The following ABCC8 variants were observed in gnomAD, a reference collection of about 807,000 sequenced individuals.
The protein encoded by ABCC8 is ATP binding cassette subfamily C member 8.
A neutral mutation model predicts 188.0 loss-of-function variants in ABCC8; 137 were observed. The ratio of observed to expected loss-of-function variants is 0.73; its 90% CI spans 0.63 to 0.84. ABCC8 has a LOEUF of 0.84. Among genes scored for constraint, ABCC8 ranks in the 40% least tolerant of loss-of-function variants. ABCC8 has a pLI of 0.00. For synonymous variants in ABCC8, 797 were observed against 846.5 expected, an observed-to-expected ratio of 0.94 and a Z score of 1.01; for missense variants, 1,750 against 2,072.7, an observed-to-expected ratio of 0.84 and a Z score of 3.02.
At position 17,415,328 on chromosome 11, in the gene ABCC8, T is replaced by G. The variant is rs766784319; in HGVS notation, c.2267A>C (p.Glu756Ala). Reference sequence around the variant, plus strand: ...CCTGATATCCAAGTCGGTCGCTGTCTCCCGCTCTGGGCTGCAGCAGGGGAG... The same window carrying G: ...CCTGATATCCAAGTCGGTCGCTGTCGCCCGCTCTGGGCTGCAGCAGGGGAG... ...EIGEDPSPERETATDLDIRKR... is the reference protein window; with the variant it reads ...EIGEDPSPERATATDLDIRKR... The change falls in exon 18 of 39, where the codon GAG becomes GCG. Residue 756 changes from glutamate (E) to alanine (A), a missense_variant. Transcript: ENST00000389817. 6.8e-6 allele frequency: 11 copies of G among 1,610,762 alleles called. No homozygotes were observed. The highest frequency in any genetic ancestry group is 9.3e-6 in the Non-Finnish European group (11 of 1,179,086).
intron 23 of ABCC8, 125 bp downstream of exon 23, chr11:17,408,267 C>T: frequency 3.3e-6 from 3 of 921,338 alleles, no homozygotes; most frequent in Non-Finnish European, 5.0e-6. Context: ...TCATGCCCAG[C>T]TCCCACATCT....
chr11:17,466,012 A>C (rs1467536122), intron 3 of ABCC8, among the ~76,000 whole-genome samples: 2 of 152,234 alleles, frequency 1.3e-5, no homozygotes, highest in East Asian at 3.8e-4. Context: ...TCCATACAGT[A>C]GAATATTAGC....
chr11:17,453,287 T>A lies in ABCC8; in HGVS notation c.1012-4A>T. ...AGTAAACCCCGAGAAATTGTGTCTGTTGGAAAGAGAAGTTCAGAGGTGACT... is the reference window on the plus strand; with the variant it reads ...AGTAAACCCCGAGAAATTGTGTCTGATGGAAAGAGAAGTTCAGAGGTGACT... On this transcript the variant is annotated splice_region_variant and splice_polypyrimidine_tract_variant and intron_variant, in intron 6 of 38. Transcript: ENST00000389817. 2 of 1,613,904 alleles carry A rather than the reference T, an allele frequency of 1.2e-6. No homozygotes were observed. The highest frequency in any genetic ancestry group is 1.7e-6 in the Non-Finnish European group (2 of 1,179,934).
At position 17,427,207 on chromosome 11, in the gene ABCC8, C is replaced by T; in HGVS notation, c.2117-53G>A. 2 of 1,538,314 alleles carry T rather than the reference C, an allele frequency of 1.3e-6. No homozygotes were observed. The highest frequency in any genetic ancestry group is 2.4e-5 in the South Asian group (2 of 82,134). On this transcript the variant is annotated intron_variant, in intron 15 of 38. Transcript: ENST00000389817. The surrounding 1 kb of genome is among the most constrained non-coding windows in gnomAD (Gnocchi z 5.0). ...AGTGGGGCCGGGGGAGTCTGAACAA[C>T]CATTACCCAGAAAGACAGACAGACA...
intron 26 of ABCC8, chr11:17,406,414 C>T (rs1303674961): frequency 8.3e-6 from 5 of 605,542 alleles, no homozygotes; most frequent in Non-Finnish European, 1.5e-5. Flanking sequence ...GCTAACCACA[C>T]ACAATGCCTA....
At chr11:17,409,594 A>T (rs1227723669) in intron 22 of ABCC8, among the ~76,000 whole-genome samples, 1 of 152,128 alleles carries the variant, frequency 6.6e-6, no homozygotes, top group Admixed American at 6.5e-5. Flanking sequence ...AGGGGGTCTC[A>T]TCATACATGG....
intron 7 of ABCC8, among the ~76,000 whole-genome samples, chr11:17,452,284 G>A (rs1411650993): frequency 1.3e-5 from 2 of 152,164 alleles, no homozygotes; most frequent in African/African-American, 4.8e-5. Flanking sequence ...CTAGACTTAA[G>A]TGACCCAACA....
intron 6 of ABCC8, among the ~76,000 whole-genome samples, chr11:17,458,174 C>T (rs773207240): frequency 2.6e-5 from 4 of 152,084 alleles, no homozygotes; most frequent in South Asian, 2.1e-4. Flanking sequence ...GTTTCTGTGT[C>T]GGAAATTTTC....
chr11:17,458,979 C>A (rs2133667143), intron 6 of ABCC8, among the ~76,000 whole-genome samples: 1 of 152,288 alleles, frequency 6.6e-6, no homozygotes, highest in South Asian at 2.1e-4. Flanking sequence ...ATCCTTGGAG[C>A]CAGAGGTGAT....
chr11:17,414,369 A>C, intron 19 of ABCC8, 143 bp downstream of exon 19: 1 of 1,178,356 alleles, frequency 8.5e-7, no homozygotes, highest in Non-Finnish European at 1.3e-6. Context: ...GGTGCACCAT[A>C]TGGAGAGGCT....
chr11:17,421,866 C>T (rs1350201159), intron 16 of ABCC8, among the ~76,000 whole-genome samples: 3 of 152,208 alleles, frequency 2.0e-5, no homozygotes, highest in African/African-American at 7.2e-5. Context: ...GAGCATTCTC[C>T]ATTCTACACC....
chr11:17,431,575 G>A (rs1955850778), intron 11 of ABCC8, among the ~76,000 whole-genome samples: 1 of 152,256 alleles, frequency 6.6e-6, no homozygotes, highest in African/African-American at 2.4e-5. Flanking sequence ...GCTGGGTGAG[G>A]GGGCTGCAGG....
In ABCC8 at chr11:17,473,411, A is replaced by G. The variant is rs1341639027; in HGVS notation, c.290+1475T>C. On this transcript the variant is annotated intron_variant, in intron 2 of 38. Transcript: ENST00000389817. Reference sequence around the variant, plus strand: ...TATTTTAGAGATCACTGCTGAAGCCAGGATGCAGGGACATTGGGGAAGGGA... The same window carrying G: ...TATTTTAGAGATCACTGCTGAAGCCGGGATGCAGGGACATTGGGGAAGGGA... 2.6e-5 allele frequency among the ~76,000 whole-genome samples: 4 copies of G among 152,160 alleles called. No homozygotes were observed. In the East Asian group the frequency reaches 7.7e-4, roughly 29 times the overall value.
rs113250405 is a variant in ABCC8 at position 17,436,063 on chromosome 11, T to C, written c.1631-3819A>G. On this transcript the variant is annotated intron_variant, in intron 10 of 38. Transcript: ENST00000389817. ...TGAACTTGTGTTCTTATTCCAGAACTGCTCCATCTCTTCTTTGGCTGTGAT... is the reference window on the plus strand; with the variant it reads ...TGAACTTGTGTTCTTATTCCAGAACCGCTCCATCTCTTCTTTGGCTGTGAT... 1,607 of 954,302 alleles carry C rather than the reference T, an allele frequency of 1.7e-3. 11 individuals carry two copies. The African/African-American group carries it at 0.019, about 11-fold the overall frequency. 59.1% of individuals were successfully genotyped at this position (954,302 alleles called of 1,614,324 possible). A position where few individuals can be genotyped will look rare whatever the true frequency, so the allele number is the denominator to read the frequency against.
chr11:17,423,860 C>T (rs930182009), intron 16 of ABCC8, among the ~76,000 whole-genome samples: 1 of 152,214 alleles, frequency 6.6e-6, no homozygotes, highest in African/African-American at 2.4e-5. Context: ...CACATGGTGG[C>T]AAACCAATGC....
At chr11:17,413,338 G>A (rs1165221738) in intron 20 of ABCC8, 56 bp downstream of exon 20, 1 of 1,604,208 alleles carries the variant, frequency 6.2e-7, no homozygotes, top group Non-Finnish European at 8.5e-7. Context: ...GTGTCTCAGG[G>A]CATGGTAGGT....
At chr11:17,414,404 G>C in intron 19 of ABCC8, 108 bp downstream of exon 19, 1 of 1,470,848 alleles carries the variant, frequency 6.8e-7, no homozygotes, top group East Asian at 2.3e-5. Context: ...CACCTGGGGA[G>C]TGAGATGGCT....
At chr11:17,417,499 T>C (rs1212042717) in intron 16 of ABCC8, among the ~76,000 whole-genome samples, 1 of 152,226 alleles carries the variant, frequency 6.6e-6, no homozygotes, top group Non-Finnish European at 1.5e-5. Flanking sequence ...TTTCATACTG[T>C]GGATTTTGAT....
intron 22 of ABCC8, 72 bp from the exon 23 acceptor site, chr11:17,408,589 G>A (rs1480008030): frequency 6.4e-7 from 1 of 1,564,370 alleles, no homozygotes; most frequent in Admixed American, 1.8e-5. Flanking sequence ...CTCAATTGTG[G>A]AGTCTAAGAT....
Sources: gnomAD v4.1 joint callset for allele counts (sites outside exome capture counted in the v4.1 genomes callset) on GRCh38, gnomAD v4.1.1 for gene constraint, Gnocchi (gnomAD v3.1) non-coding constraint, MANE v1.5 for transcripts, NCBI Gene and HGNC (gene_info 2026-07-23, HGNC 2026-07-21) for gene names.